Variants in ENGASE observed in about 807,000 individuals in gnomAD.
ENGASE encodes the protein cytosolic endo-beta-N-acetylglucosaminidase.
ENGASE carries 69 observed loss-of-function variants against 78.5 expected under a neutral mutation model. That is an observed-to-expected ratio of 0.88 (90% CI 0.72 to 1.07). The LOEUF (loss-of-function observed/expected upper bound fraction) is 1.07, where lower values mean the gene tolerates loss of function less well. ENGASE is among the 50% of genes least tolerant of loss of function. The pLI is 0.00. For synonymous variants in ENGASE, 408 were observed against 408.9 expected (o/e 1.00, Z 0.03); for missense variants, 943 against 988.4 (o/e 0.95, Z 0.62).
chr17:79,080,418 C>G, intron 5 of ENGASE, 54 bp downstream of exon 5: 2 of 1,590,898 alleles, frequency 1.3e-6, no homozygotes, highest in Non-Finnish European at 1.7e-6. Flanking sequence ...TGCCGCCCAC[C>G]TCCACCTCTT....
intron 3 of ENGASE, 49 bp downstream of exon 3, chr17:79,077,913 TG>T (rs765895184): frequency 2.9e-6 from 2 of 684,646 alleles, no homozygotes; most frequent in East Asian, 4.8e-5. Context: ...TCTCCTTTGC[TG>T]GGGTGGGGGC....
At position 79,080,275 on chromosome 17, in the gene ENGASE, T is replaced by C; in HGVS notation, c.634T>C (p.Ser212Pro). The C allele has an allele frequency of 6.2e-7, 1 of 1,613,946 alleles. No individual in the cohort carries two copies. The highest frequency in any genetic ancestry group is 8.5e-7 in the Non-Finnish European group (1 of 1,179,950). Residue 212 changes from serine to proline, a missense_variant, in exon 5 of 14, where the codon TCG (serine) becomes CCG (proline). Transcript: ENST00000579016. ...AGCCTTCCTGGCCGGGGATGAGCGC[T>C]CGTACCAGGCAGTGGCTGACCGGCT... ...CEAFLAGDER[S>P]YQAVADRLVQ... is the part of the protein sequence containing the mutation.
At position 79,086,146 on chromosome 17, in the gene ENGASE, G is replaced by A. The variant is rs771220925; in HGVS notation, c.2029G>A (p.Glu677Lys). 1.9e-6 allele frequency: 3 copies of A among 1,613,774 alleles called. No homozygotes were observed. Among genetic ancestry groups the A allele is most frequent in the Non-Finnish European group, 2.5e-6 (3 of 1,180,040 alleles). ...GATGAGTGATGACTCTCCGGGCAGG[G>A]AGCTGCCGAGGCCAGAGATGCCCAT... is the stretch of plus-strand genomic sequence containing the variant. ...GGMSDDSPGR[E>K]LPRPEMPMFL... is the part of the protein sequence containing the mutation. The change falls in exon 14 of 14, where the codon GAG becomes AAG. Residue 677 changes from glutamate to lysine, a missense_variant. By Grantham distance (56) the Glu-to-Lys change is moderately conservative (BLOSUM62 1). Transcript: ENST00000579016.
intron 1 of ENGASE, 98 bp downstream of exon 1, chr17:79,075,188 G>C: frequency 2.4e-5 from 28 of 1,164,552 alleles, no homozygotes; most frequent in Non-Finnish European, 2.8e-5. Context: ...CGAGGGGCGG[G>C]GGGCCGGCGC....
Position 79,080,973 on chromosome 17 carries a change from C to G in ENGASE, c.772C>G (p.Gln258Glu). The G allele has an allele frequency of 6.2e-7, 1 of 1,613,566 alleles. No individual in the cohort carries two copies. Among genetic ancestry groups the G allele is most frequent in the Non-Finnish European group, 8.5e-7 (1 of 1,179,982 alleles). The change falls in exon 6 of 14, where the codon CAG (glutamine) becomes GAG (glutamate). Residue 258 changes from glutamine to glutamate, a missense_variant. Gln to Glu is a conservative substitution (Grantham distance 29). Transcript: ENST00000579016. The stretch of plus-strand genomic sequence containing the variant: ...TCCTTTCCTGCGGTACCTCACCACA[C>G]AGCTGCACCGGCAGGTCCCAGGGGG... ...MPPFLRYLTT[Q>E]LHRQVPGGLV...
At chr17:79,081,229 G>A (rs574656635) in intron 6 of ENGASE, among the ~76,000 whole-genome samples, 156 bp downstream of exon 6, 99 of 152,314 alleles carry the variant, frequency 6.5e-4, no homozygotes, top group African/African-American at 2.2e-3. Flanking sequence ...TGGGCCAGGC[G>A]CAGTGGCTCA....
intron 11 of ENGASE, 108 bp downstream of exon 11, chr17:79,084,794 G>A (rs1295185362): frequency 3.2e-6 from 4 of 1,264,772 alleles, no homozygotes; most frequent in South Asian, 1.3e-5. Context: ...GGACAGTGGG[G>A]GGGTACATCC....
rs373453465 is a variant in ENGASE, at chr17:79,080,219, C to T, written c.578C>T (p.Thr193Met). Residue 193 changes from threonine to methionine, a missense_variant, in exon 5 of 14, where the codon ACG becomes ATG. Coordinates refer to ENST00000579016, the MANE Select transcript of ENGASE (RefSeq NM_001042573.3). ...HGVCVLGTFI[T>M]EWNEGGRLCE... is the part of the protein sequence containing the mutation. The stretch of plus-strand genomic sequence containing the variant: ...CCTATCCTCACAGGGACTTTCATCA[C>T]GGAGTGGAATGAAGGGGGAAGGCTC... 6.6e-5 allele frequency: 105 copies of T among 1,601,212 alleles called. No homozygotes were observed. Among genetic ancestry groups the T allele is most frequent in the Middle Eastern group, 3.3e-4 (2 of 5,996 alleles).
rs1361547176 is a variant in ENGASE, at chr17:79,086,176, C to G, written c.2059C>G (p.Leu687Val). The change falls in exon 14 of 14, where the codon CTG (leucine) becomes GTG (valine). Residue 687 changes from leucine to valine, a missense_variant. Transcript: ENST00000579016. ...GCCGAGGCCAGAGATGCCCATGTTC[C>G]TGGGGTTGGCTTTTGCCACCCAGTA... is the stretch of plus-strand genomic sequence containing the variant. ...ELPRPEMPMF[L>V]GLAFATQYRI... is the part of the protein sequence containing the mutation. 1.9e-6 allele frequency: 3 copies of G among 1,613,640 alleles called. No homozygotes were observed. Among genetic ancestry groups the G allele is most frequent in the African/African-American group, 1.3e-5 (1 of 74,940 alleles).
At chr17:79,084,130 G>A in intron 10 of ENGASE, 179 bp downstream of exon 10, 5 of 619,990 alleles carry the variant, frequency 8.1e-6, no homozygotes, top group Non-Finnish European at 1.4e-5. Context: ...TGACCCTGTT[G>A]AAGTGAACGG....
intron 1 of ENGASE, 57 bp downstream of exon 1, chr17:79,075,147 C>G: frequency 8.4e-7 from 1 of 1,196,320 alleles, no homozygotes; most frequent in Non-Finnish European, 1.0e-6. Context: ...TCCGTGGCCC[C>G]GGGGCCCGAG....
Position 79,088,011 on chromosome 17 carries a change from T to C in ENGASE, c.*1662T>C, listed in dbSNP as rs758027818. The stretch of plus-strand genomic sequence containing the variant: ...AGGAGAAGTGAGTTTGCCAAGGATA[T>C]GGGGCAGGAGGCTCCCTCTGCTGAC... On this transcript the variant is annotated 3_prime_UTR_variant, in exon 14 of 14. Coordinates refer to ENST00000579016, the MANE Select transcript of ENGASE (RefSeq NM_001042573.3). 6 of 151,048 alleles carry C rather than the reference T, an allele frequency of 4.0e-5. No individual in the cohort carries two copies. Among genetic ancestry groups the C allele is most frequent in the Non-Finnish European group, 8.9e-5 (6 of 67,332 alleles). The allele number at this position is 151,048 out of a possible 1,614,324, so 9.4% of individuals were successfully genotyped here.
At position 79,080,234 on chromosome 17, in the gene ENGASE, G is replaced by C. The variant is rs920169797; in HGVS notation, c.593G>C (p.Gly198Ala). ...LGTFITEWNEGGRLCEAFLAG... is the reference protein window; with the variant it reads ...LGTFITEWNEAGRLCEAFLAG... Reference sequence around the variant, plus strand: ...ACTTTCATCACGGAGTGGAATGAAGGGGGAAGGCTCTGTGAAGCCTTCCTG... The same window carrying C: ...ACTTTCATCACGGAGTGGAATGAAGCGGGAAGGCTCTGTGAAGCCTTCCTG... Residue 198 changes from glycine (G) to alanine (A), a missense_variant, in exon 5 of 14, where the codon GGG becomes GCG. Physicochemically the swap from Gly to Ala is moderately conservative, Grantham distance 60 (BLOSUM62 0). Coordinates refer to ENST00000579016, the MANE Select transcript of ENGASE (RefSeq NM_001042573.3). The C allele has an allele frequency of 1.2e-6, 2 of 1,610,326 alleles. No homozygotes were observed. Among genetic ancestry groups the C allele is most frequent in the African/African-American group, 1.3e-5 (1 of 74,934 alleles).
At position 79,086,396 on chromosome 17, in the gene ENGASE, T is replaced by C. The variant is rs762186514; in HGVS notation, c.*47T>C. 2 of 1,566,518 alleles carry C rather than the reference T, an allele frequency of 1.3e-6. No homozygotes were observed. The highest frequency in any genetic ancestry group is 1.7e-6 in the Non-Finnish European group (2 of 1,156,848). On this transcript the variant is annotated 3_prime_UTR_variant, in exon 14 of 14. Coordinates refer to ENST00000579016, the MANE Select transcript of ENGASE (RefSeq NM_001042573.3). ...TCTCCTGGCCTCGGGCTGAGGCCTC[T>C]TCCCGGCTGTCTGCCCCTGGCCTGC...
chr17:79,085,487 C>T (rs1166560260), intron 12 of ENGASE, 133 bp from the exon 13 acceptor site: 33 of 1,378,470 alleles, frequency 2.4e-5, no homozygotes, highest in Non-Finnish European at 3.1e-5. Flanking sequence ...CTGCTGGGAG[C>T]CCTGCTGTCG....
chr17:79,076,632 C>G (rs952280985), intron 1 of ENGASE, among the ~76,000 whole-genome samples: 1 of 152,124 alleles, frequency 6.6e-6, no homozygotes, highest in Non-Finnish European at 1.5e-5. Flanking sequence ...GTTAATGTAC[C>G]GAAGGAACGA....
chr17:79,077,633 AATT>A (rs1191660793), intron 2 of ENGASE, 27 bp from the exon 3 acceptor site: 1 of 1,610,518 alleles, frequency 6.2e-7, no homozygotes, highest in East Asian at 2.2e-5. Context: ...AGTTTCCATT[AATT>A]GCTCAATGTT....
intron 3 of ENGASE, 72 bp downstream of exon 3, chr17:79,077,936 G>GTGGGGGGGC: frequency 1.4e-6 from 1 of 721,532 alleles, no homozygotes; most frequent in Non-Finnish European, 2.2e-6. Flanking sequence ...GGAGGGGCGG[G>GTGGGGGGGC]AGAGAGTGCC....
intron 1 of ENGASE, chr17:79,075,566 C>A: frequency 5.0e-6 from 2 of 402,176 alleles, no homozygotes; most frequent in Middle Eastern, 1.2e-3. Context: ...GGGTATCCAA[C>A]TGGCGGGGAA....
Sources: gnomAD v4.1 joint callset for allele counts (sites outside exome capture counted in the v4.1 genomes callset) on GRCh38, gnomAD v4.1.1 for gene constraint, MANE v1.5 for transcripts, NCBI Gene and HGNC (gene_info 2026-07-23, HGNC 2026-07-21) for gene names.